Variants in ADGRL1 observed in about 807,000 individuals in gnomAD.
ADGRL1 encodes the protein CIRL-1.
A neutral mutation model predicts 148.9 loss-of-function variants in ADGRL1; 31 were observed. The observed-to-expected ratio is 0.21, with a 90% CI of 0.16 to 0.28. The LOEUF (loss-of-function observed/expected upper bound fraction) is 0.28. Ranked by LOEUF, ADGRL1 falls within the 10% of genes least tolerant of loss-of-function variation. The pLI is 1.00. For missense variants in ADGRL1, 1,521 were observed against 2,058.8 expected (o/e 0.74, Z 5.05); for synonymous variants, 937 against 900.3 (o/e 1.04, Z -0.73).
At chr19:14,200,951 C>A (rs1972560699) in intron 1 of ADGRL1, among the ~76,000 whole-genome samples, 1 of 152,198 alleles carries the variant, frequency 6.6e-6, no homozygotes, top group Non-Finnish European at 1.5e-5. Context: ...CACTGCCAAC[C>A]CAGGACAATT....
At chr19:14,202,207 C>T (rs961752429) in intron 1 of ADGRL1, among the ~76,000 whole-genome samples, 8 of 151,974 alleles carry the variant, frequency 5.3e-5, no homozygotes, top group African/African-American at 1.7e-4. Flanking sequence ...GACACACATG[C>T]CTTCTCCCCA....
chr19:14,171,095 C>T (rs1249397558), intron 3 of ADGRL1: 1 of 280,240 alleles, frequency 3.6e-6, no homozygotes, highest in Admixed American at 4.8e-5. Flanking sequence ...GTGTGTAGCA[C>T]CTCCCCTGTT....
chr19:14,165,195 T>C (rs1969838148), intron 4 of ADGRL1, among the ~76,000 whole-genome samples: 1 of 152,128 alleles, frequency 6.6e-6, no homozygotes, highest in Admixed American at 6.5e-5. Flanking sequence ...GATGTAGTTT[T>C]TGTAGAGGGA....
In ADGRL1 at chr19:14,152,290, G is replaced by A. The variant is rs368946153; in HGVS notation, c.3649+19C>T. ...AACCCTCCATTTCCCAACCTGGGAT[G>A]TTTCCCCCGTGCTCTCACCTGGGGA... On this transcript the variant is annotated intron_variant, in intron 21 of 22. Transcript: ENST00000361434. This position sits in a 1 kb window ranked among gnomAD's most constrained non-coding sequence, Gnocchi z 6.1. The A allele has an allele frequency of 8.1e-5, 130 of 1,604,582 alleles. No individual in the cohort carries two copies. The highest frequency in any genetic ancestry group is 9.6e-5 in the Non-Finnish European group (113 of 1,174,114).
rs1376978770 is a variant in ADGRL1 at position 14,155,550 on chromosome 19, G to A, written c.3126-23C>T. On this transcript the variant is annotated intron_variant, in intron 17 of 22. Coordinates refer to ENST00000361434, the MANE Select transcript of ADGRL1 (RefSeq NM_014921.5). This position sits in a 1 kb window ranked among gnomAD's most constrained non-coding sequence, Gnocchi z 5.0. ...GATCTGGGAGTGGGGCGACAGGGGA[G>A]TCAAAGTACCCGCCGGAGGGGACGG... The A allele has an allele frequency of 6.2e-7, 1 of 1,612,178 alleles. No homozygotes were observed. Among genetic ancestry groups the A allele is most frequent in the Non-Finnish European group, 8.5e-7 (1 of 1,179,528 alleles).
Position 14,161,315 on chromosome 19 carries a change from G to T in ADGRL1, c.1507C>A (p.Arg503=). ...LVERPCPKGT[R]GIASFQCLPA... ...TGGCTGCAGCCTCTGTACTCACCTC[G>T]AGTCCCCTTGGGGCAGGGCCTCTCC... Residue 503 remains arginine (R), a synonymous_variant, in exon 6 of 23, where the codon CGA becomes AGA. Transcript: ENST00000361434. The surrounding 1 kb of genome is among the most constrained non-coding windows in gnomAD (Gnocchi z 4.4). 6.3e-7 allele frequency: 1 copy of T among 1,585,402 alleles called. No homozygotes were observed. The highest frequency in any genetic ancestry group is 8.6e-7 in the Non-Finnish European group (1 of 1,169,282).
chr19:14,163,211 G>A lies in ADGRL1; in HGVS notation c.590C>T (p.Thr197Ile). The change falls in exon 5 of 23, where the codon ACC (threonine) becomes ATC (isoleucine). Residue 197 changes from threonine to isoleucine, a missense_variant. By Grantham distance (89) the Thr-to-Ile change is moderately conservative. Coordinates refer to ENST00000361434, the MANE Select transcript of ADGRL1 (RefSeq NM_014921.5). ...SWEDYVAARH[T>I]TTYRLPNRVD... ...GCGGTTGGGCAGGCGGTAGGTGGTG[G>A]TGTGGCGGGCGGCCACGTAGTCCTC... 1 of 1,613,626 alleles carries A rather than the reference G, an allele frequency of 6.2e-7. No homozygotes were observed. Among genetic ancestry groups the A allele is most frequent in the African/African-American group, 1.3e-5 (1 of 75,072 alleles).
At position 14,152,208 on chromosome 19, in the gene ADGRL1, G is replaced by A. The variant is rs1309043039; in HGVS notation, c.3650-58C>T. 1.2e-6 allele frequency: 2 copies of A among 1,614,098 alleles called. No homozygotes were observed. Among genetic ancestry groups the A allele is most frequent in the East Asian group, 4.5e-5 (2 of 44,880 alleles). On this transcript the variant is annotated intron_variant, in intron 21 of 22. Transcript: ENST00000361434. This position sits in a 1 kb window ranked among gnomAD's most constrained non-coding sequence, Gnocchi z 6.1. The stretch of plus-strand genomic sequence containing the variant: ...AGGCAAGGATGAGCTCGAAATGCAA[G>A]TCCAGGCTCCAGTTCTGGGGCACAG...
rs1443968237 is a variant in ADGRL1, at chr19:14,150,547, G to A, written c.*326C>T. The A allele has an allele frequency of 6.0e-6, 2 of 333,350 alleles. No homozygotes were observed. Among genetic ancestry groups the A allele is most frequent in the Non-Finnish European group, 1.1e-5 (2 of 180,602 alleles). 20.6% of individuals were successfully genotyped at this position (333,350 alleles called of 1,614,324 possible). A position where few individuals can be genotyped will look rare whatever the true frequency, so the allele number is the denominator to read the frequency against. The stretch of plus-strand genomic sequence containing the variant: ...TCATTTCCCTTCACAGGGTAGAAGG[G>A]TGGGAGAGGGGAGAGTCTGGAAGTG... On this transcript the variant is annotated 3_prime_UTR_variant, in exon 23 of 23. Transcript: ENST00000361434.
intron 1 of ADGRL1, among the ~76,000 whole-genome samples, chr19:14,198,599 C>T (rs938896599): frequency 6.6e-6 from 1 of 152,046 alleles, no homozygotes; most frequent in African/African-American, 2.4e-5. Flanking sequence ...AAACCCCCTA[C>T]CTCTACCCCC....
Position 14,163,468 on chromosome 19 carries a change from GAGAGA to G in ADGRL1, c.395-67_395-63del, listed in dbSNP as rs1969630613. 17 of 435,028 alleles carry G rather than the reference GAGAGA, an allele frequency of 3.9e-5. No individual in the cohort carries two copies. In the Admixed American group the frequency reaches 8.0e-4, roughly 20 times the overall value. 26.9% of individuals were successfully genotyped at this position (435,028 alleles called of 1,614,324 possible). On this transcript the variant is annotated intron_variant, in intron 4 of 22. Coordinates refer to ENST00000361434, the MANE Select transcript of ADGRL1 (RefSeq NM_014921.5). ...GAAGGGGCAGAGGCGAGAGGGAGGA[GAGAGA>G]GAGAGAGAGAGAGAGAGAGAGAGAG...
intron 1 of ADGRL1, among the ~76,000 whole-genome samples, chr19:14,201,416 C>A (rs547714390): frequency 2.2e-5 from 2 of 93,016 alleles, no homozygotes; most frequent in Admixed American, 1.0e-4. Flanking sequence ...AAGGCAGGGG[C>A]ATTTTTTTTT....
Position 14,151,560 on chromosome 19 carries a change from G to A in ADGRL1, c.3723C>T (p.Gly1241=). ...GCAAGGAGTAACTGTTATTGAAGTT[G>A]CCGTTCAGGGGCAGGGTGTCCATGC... ...ACGMDTLPLN[G]NFNNSYSLRS... The change falls in exon 23 of 23, where the codon GGC becomes GGT. Residue 1241 remains glycine, a synonymous_variant. Transcript: ENST00000361434. 1 of 1,610,366 alleles carries A rather than the reference G, an allele frequency of 6.2e-7. No homozygotes were observed. The highest frequency in any genetic ancestry group is 8.5e-7 in the Non-Finnish European group (1 of 1,179,262).
In ADGRL1 at chr19:14,159,491, T is replaced by G. The variant is rs1414767762; in HGVS notation, c.1933A>C (p.Met645Leu). ...NATEQVHTAT[M>L]LLDVLEEGAF... Reference sequence around the variant, plus strand: ...CCCTCCTCCAGGACGTCGAGGAGCATGGTGGCCGTGTGCACCTGCTCCGTG... The same window carrying G: ...CCCTCCTCCAGGACGTCGAGGAGCAGGGTGGCCGTGTGCACCTGCTCCGTG... The change falls in exon 10 of 23, where the codon ATG becomes CTG. Residue 645 changes from methionine to leucine, a missense_variant. Around this residue, in one of 8 missense-constraint regions of ADGRL1, gnomAD observed 265 missense variants for 431.9 expected, o/e 0.61. Transcript: ENST00000361434. This position sits in a 1 kb window ranked among gnomAD's most constrained non-coding sequence, Gnocchi z 6.0. 1 of 1,613,258 alleles carries G rather than the reference T, an allele frequency of 6.2e-7. No individual in the cohort carries two copies. Among genetic ancestry groups the G allele is most frequent in the South Asian group, 1.1e-5 (1 of 91,058 alleles).
intron 1 of ADGRL1, among the ~76,000 whole-genome samples, chr19:14,199,484 T>G (rs35454352): frequency 0.16 from 24,271 of 151,634 alleles, 2,389 homozygotes; most frequent in Non-Finnish European, 0.22. Context: ...CAGGTTGGAG[T>G]GCAGTGGTGG....
chr19:14,186,152 AGGCTCAAGTGATCCTCCCGCCTC>A (rs1971559347), intron 1 of ADGRL1, among the ~76,000 whole-genome samples: 1 of 152,074 alleles, frequency 6.6e-6, no homozygotes, highest in African/African-American at 2.4e-5. Context: ...TCCACCTCCC[AGGCTCAAGTGATCCTCCCGCCTC>A]GGCCTCCCTA....
Position 14,151,354 on chromosome 19 carries a change from C to A in ADGRL1, c.3929G>T (p.Gly1310Val). The change falls in exon 23 of 23, where the codon GGG (glycine) becomes GTG (valine). Residue 1310 changes from glycine (G) to valine (V), a missense_variant. Around this residue, in one of 8 missense-constraint regions of ADGRL1, gnomAD observed 390 missense variants for 375.0 expected, o/e 1.04. Coordinates refer to ENST00000361434, the MANE Select transcript of ADGRL1 (RefSeq NM_014921.5). ...GCCCGCCTCTTCCTCGCCCCCGCCC[C>A]CTGGCACAGGTGGCACAGGGGGCTC... is the stretch of plus-strand genomic sequence containing the variant. ...PPEPPVPPVP[G>V]GGGEEEAGGP... 6.2e-7 allele frequency: 1 copy of A among 1,601,196 alleles called. No homozygotes were observed. The highest frequency in any genetic ancestry group is 8.5e-7 in the Non-Finnish European group (1 of 1,174,652).
intron 1 of ADGRL1, among the ~76,000 whole-genome samples, chr19:14,193,049 C>T (rs1183288882): frequency 6.6e-6 from 1 of 152,096 alleles, no homozygotes; most frequent in Admixed American, 6.6e-5. Context: ...GGGACCACGC[C>T]TGACCCCCAC....
chr19:14,156,514 C>A, intron 16 of ADGRL1, 144 bp downstream of exon 16: 1 of 685,622 alleles, frequency 1.5e-6, no homozygotes, highest in South Asian at 1.8e-5. Context: ...TTCATCCTCT[C>A]AGCCGGTGGC....
Sources: gnomAD v4.1 joint callset for allele counts (sites outside exome capture counted in the v4.1 genomes callset) on GRCh38, gnomAD v4.1.1 for gene constraint, gnomAD v4.1.1 regional missense constraint, Gnocchi (gnomAD v3.1) non-coding constraint, MANE v1.5 for transcripts, NCBI Gene and HGNC (gene_info 2026-07-23, HGNC 2026-07-21) for gene names.